Variants in TPR observed in about 807,000 individuals in gnomAD.
The protein encoded by TPR is nucleoprotein TPR.
Under a neutral mutation model 316.1 loss-of-function variants are expected in TPR, and 51 were observed. The ratio of observed to expected loss-of-function variants is 0.16; its 90% CI spans 0.13 to 0.20. The LOEUF (loss-of-function observed/expected upper bound fraction) is 0.20, where lower values mean the gene tolerates loss of function less well. Ranked by LOEUF, TPR falls within the 10% of genes least tolerant of loss-of-function variation. The pLI is 1.00. For synonymous variants in TPR, 981 were observed against 914.7 expected (o/e 1.07, Z -1.31); for missense variants, 2,272 against 2,754.8 (o/e 0.82, Z 3.92).
chr1:186,330,844 G>T (rs1004762780), intron 39 of TPR, among the ~76,000 whole-genome samples: 1 of 152,116 alleles, frequency 6.6e-6, no homozygotes, highest in East Asian at 1.9e-4. Context: ...AGAAAGGAAA[G>T]TAATAATATT....
chr1:186,314,717 A>G lies in TPR; in HGVS notation c.6948T>C (p.Ser2316=), dbSNP rs776661830. The G allele has an allele frequency of 3.1e-6, 5 of 1,604,452 alleles. No homozygotes were observed. The South Asian group carries it at 4.5e-5, about 14-fold the overall frequency. ...GTCTGAAAGGCTTTGGTTGACTACTACTAGTATCTAAGAAAAACATTAAGA... is the reference window on the plus strand; with the variant it reads ...GTCTGAAAGGCTTTGGTTGACTACTGCTAGTATCTAAGAAAAACATTAAGA... ...DPPSSSSVDT[S]SSQPKPFRRV... The change falls in exon 50 of 51, where the codon AGT becomes AGC. Residue 2316 remains serine, a synonymous_variant. Coordinates refer to ENST00000367478, the MANE Select transcript of TPR (RefSeq NM_003292.3).
At chr1:186,320,511 C>A (rs2102051601) in intron 45 of TPR, 93 bp from the exon 46 acceptor site, 1 of 988,950 alleles carries the variant, frequency 1.0e-6, no homozygotes, top group Non-Finnish European at 1.4e-6. Flanking sequence ...GAAGAATGAA[C>A]ATCAACAAAC....
rs751678468 is a variant in TPR at position 186,350,305 on chromosome 1, T to C, written c.2694A>G (p.Gln898=). 3 of 1,613,870 alleles carry C rather than the reference T, an allele frequency of 1.9e-6. No individual in the cohort carries two copies. The South Asian group carries it at 3.3e-5, about 18-fold the overall frequency. The part of the protein sequence containing the change: ...LNTKELLKNA[Q]KEIATLKQHL... ...GCTGTTTCAATGTGGCAATTTCTTTTTGAGCATTTTTTAATAGTTCTTTTG... is the reference window on the plus strand; with the variant it reads ...GCTGTTTCAATGTGGCAATTTCTTTCTGAGCATTTTTTAATAGTTCTTTTG... The change falls in exon 21 of 51, where the codon CAA becomes CAG. Residue 898 remains glutamine, a synonymous_variant. Coordinates refer to ENST00000367478, the MANE Select transcript of TPR (RefSeq NM_003292.3).
intron 49 of TPR, among the ~76,000 whole-genome samples, chr1:186,315,468 A>C (rs1252289684): frequency 3.3e-5 from 5 of 152,066 alleles, no homozygotes; most frequent in Non-Finnish European, 5.9e-5. Context: ...TGAATGCTCA[A>C]ATTTAAATAT....
At chr1:186,331,442 G>T in intron 39 of TPR, 56 bp downstream of exon 39, 1 of 1,228,324 alleles carries the variant, frequency 8.1e-7, no homozygotes, top group Non-Finnish European at 1.2e-6. Context: ...ATTTGTCAAA[G>T]CTAATTTCAT....
Position 186,341,055 on chromosome 1 carries a change from A to T in TPR, c.3993T>A (p.Asp1331Glu). 6.2e-7 allele frequency: 1 copy of T among 1,613,990 alleles called. No homozygotes were observed. The highest frequency in any genetic ancestry group is 8.5e-7 in the Non-Finnish European group (1 of 1,179,982). The change falls in exon 29 of 51, where the codon GAT becomes GAA. Residue 1331 changes from aspartate (D) to glutamate (E), a missense_variant. Physicochemically the swap from Asp to Glu is conservative, Grantham distance 45. Transcript: ENST00000367478. ...LQAEKKLLEE[D>E]VKRWKARNQH... ...GGTTACGTGCTTTCCAACGTTTGAC[A>T]TCCTCTTCTAAGAGCTTCTTCTCTG...
At chr1:186,330,781 C>A (rs1658138541) in intron 39 of TPR, among the ~76,000 whole-genome samples, 3 of 152,006 alleles carry the variant, frequency 2.0e-5, no homozygotes, top group African/African-American at 7.2e-5. Context: ...ATTTAGCCAC[C>A]CTGGGGGTCT....
intron 18 of TPR, among the ~76,000 whole-genome samples, chr1:186,353,362 A>T (rs1053625017): frequency 5.3e-5 from 8 of 150,276 alleles, no homozygotes; most frequent in Non-Finnish European, 1.2e-4. Flanking sequence ...ACAGAGTGAG[A>T]CTCTGTCTCA....
At chr1:186,356,578 T>C in intron 14 of TPR, 129 bp from the exon 15 acceptor site, 1 of 890,166 alleles carries the variant, frequency 1.1e-6, no homozygotes, top group Non-Finnish European at 1.6e-6. Flanking sequence ...ATTATTTTTT[T>C]TCATGCTGAG....
intron 40 of TPR, 53 bp from the exon 41 acceptor site, chr1:186,326,288 C>T (rs1657930604): frequency 6.5e-7 from 1 of 1,549,976 alleles, no homozygotes; most frequent in South Asian, 1.2e-5. Flanking sequence ...GGCCCACATG[C>T]TCTGCATGTC....
intron 44 of TPR, 46 bp downstream of exon 44, chr1:186,322,472 T>A (rs747128116): frequency 6.2e-7 from 1 of 1,613,012 alleles, no homozygotes. Context: ...TATATAAATA[T>A]CTGCTCAAGA....
intron 4 of TPR, among the ~76,000 whole-genome samples, chr1:186,365,102 CT>C (rs61369492): frequency 3.1e-4 from 42 of 137,122 alleles, no homozygotes; most frequent in Admixed American, 5.3e-4. Flanking sequence ...AGGGGCTGCC[CT>C]TTTTTTTTTT....
intron 23 of TPR, among the ~76,000 whole-genome samples, 193 bp from the exon 24 acceptor site, chr1:186,345,889 A>G (rs1236361812): frequency 2.0e-5 from 3 of 152,182 alleles, no homozygotes; most frequent in African/African-American, 7.2e-5. Context: ...TAACATTTGC[A>G]TAAGTCAAGT....
At chr1:186,328,213 GA>G (rs528714420) in intron 39 of TPR, among the ~76,000 whole-genome samples, 417 of 152,066 alleles carry the variant, frequency 2.7e-3, no homozygotes, top group Non-Finnish European at 3.5e-3. Context: ...AAGAAAAAGA[GA>G]AAAAAATATA....
At chr1:186,370,860 A>G (rs926207146) in intron 3 of TPR, 110 bp downstream of exon 3, 5 of 861,278 alleles carry the variant, frequency 5.8e-6, no homozygotes, top group African/African-American at 3.4e-5. Flanking sequence ...TTCCCCTAAT[A>G]GGACATCAGT....
In TPR at chr1:186,312,391, TA is replaced by T; in HGVS notation, c.*1579del. 3 of 1,591,550 alleles carry T rather than the reference TA, an allele frequency of 1.9e-6. No individual in the cohort carries two copies. The highest frequency in any genetic ancestry group is 1.7e-6 in the Non-Finnish European group (2 of 1,168,384). ...GACAAAGGTAACATTTTTATTGTGT[TA>T]AAAAAATCCTTAAACATAAGTAGAT... On this transcript the variant is annotated 3_prime_UTR_variant, in exon 51 of 51. Coordinates refer to ENST00000367478, the MANE Select transcript of TPR (RefSeq NM_003292.3).
chr1:186,318,086 T>C (rs543738017), intron 48 of TPR, among the ~76,000 whole-genome samples: 1 of 152,332 alleles, frequency 6.6e-6, no homozygotes, highest in Non-Finnish European at 1.5e-5. Context: ...CTCTCTTCCA[T>C]TCAAGACACA....
rs775870958 is a variant in TPR at position 186,332,312 on chromosome 1, C to T, written c.5487G>A (p.Lys1829=). Residue 1829 remains lysine (K), a synonymous_variant, in exon 38 of 51, where the codon AAG becomes AAA. Coordinates refer to ENST00000367478, the MANE Select transcript of TPR (RefSeq NM_003292.3). ...TATCCTCTTCCTCTTCACGTGTACGCTTTGGCAAAGAAGAACTGGGGGTAG... is the reference window on the plus strand; with the variant it reads ...TATCCTCTTCCTCTTCACGTGTACGTTTTGGCAAAGAAGAACTGGGGGTAG... ...VSATPSSSLP[K]RTREEEEDST... is the part of the protein sequence containing the mutation. 2.0e-5 allele frequency: 33 copies of T among 1,612,380 alleles called. No homozygotes were observed. The highest frequency in any genetic ancestry group is 2.5e-5 in the Non-Finnish European group (30 of 1,179,258).
At chr1:186,322,465 A>T in intron 44 of TPR, 53 bp from the exon 45 acceptor site, 1 of 1,612,636 alleles carries the variant, frequency 6.2e-7, no homozygotes. Flanking sequence ...TATGGACTAT[A>T]TAAATATCTG....
Sources: gnomAD v4.1 joint callset for allele counts (sites outside exome capture counted in the v4.1 genomes callset) on GRCh38, gnomAD v4.1.1 for gene constraint, MANE v1.5 for transcripts, NCBI Gene and HGNC (gene_info 2026-07-23, HGNC 2026-07-21) for gene names.